The following FSTL5 variants were observed in gnomAD, a reference collection of about 807,000 sequenced individuals.
FSTL5 encodes follistatin like 5, also known as follistatin-related protein 5.
A neutral mutation model predicts 89.1 loss-of-function variants in FSTL5; 62 were observed. That is an observed-to-expected ratio of 0.70 (90% CI 0.57 to 0.86). FSTL5 has a LOEUF of 0.86. Among genes scored for constraint, FSTL5 ranks in the 40% least tolerant of loss-of-function variants. The pLI, the probability that FSTL5 is intolerant of heterozygous loss-of-function variation, is 0.00. For synonymous variants in FSTL5, 383 were observed against 346.2 expected, an observed-to-expected ratio of 1.11 and a Z score of -1.18; for missense variants, 1,057 against 1,001.6, an observed-to-expected ratio of 1.06 and a Z score of -0.75.
intron 6 of FSTL5, among the ~76,000 whole-genome samples, chr4:161,753,000 G>C (rs1740451269): frequency 6.6e-6 from 1 of 152,138 alleles, no homozygotes. Flanking sequence ...CAAGAACTAT[G>C]AGAAATAAAT....
At chr4:161,565,855 T>C (rs1203301192) in intron 8 of FSTL5, among the ~76,000 whole-genome samples, 1 of 150,780 alleles carries the variant, frequency 6.6e-6, no homozygotes, top group African/African-American at 2.4e-5. Flanking sequence ...TTTGCAATTG[T>C]GAATTGTGTT....
intron 3 of FSTL5, among the ~76,000 whole-genome samples, chr4:162,002,077 A>C (rs2111108202): frequency 6.6e-6 from 1 of 152,292 alleles, no homozygotes; most frequent in Middle Eastern, 3.4e-3. Context: ...CTAATTGATT[A>C]TATAAAAAAC....
chr4:161,680,298 T>TA (rs1737471714), intron 6 of FSTL5, among the ~76,000 whole-genome samples: 1 of 151,896 alleles, frequency 6.6e-6, no homozygotes, highest in Admixed American at 6.6e-5. Context: ...TGAATCTACT[T>TA]ACTGAGGTCA....
intron 15 of FSTL5, among the ~76,000 whole-genome samples, chr4:161,411,449 G>A (rs1022804356): frequency 2.0e-5 from 3 of 151,068 alleles, no homozygotes; most frequent in African/African-American, 7.3e-5. Context: ...CAAAATACTA[G>A]CAAATAAAAT....
intron 9 of FSTL5, among the ~76,000 whole-genome samples, chr4:161,541,166 C>T (rs1235594048): frequency 2.0e-5 from 3 of 152,040 alleles, no homozygotes; most frequent in Admixed American, 1.3e-4. Flanking sequence ...TTTTATACCC[C>T]TATGTGTGTA....
At chr4:162,008,483 TA>T (rs1736673620) in intron 3 of FSTL5, among the ~76,000 whole-genome samples, 2 of 151,814 alleles carry the variant, frequency 1.3e-5, no homozygotes, top group South Asian at 4.1e-4. Context: ...GAGGATGCAA[TA>T]GGGAAATCAC....
At position 161,538,152 on chromosome 4, in the gene FSTL5, G is replaced by T; in HGVS notation, c.1312+14C>A. ...ATATGGTGTGTGTGTGCTGTTGGGTGGTTCTATACATACGGGTCTTTCTAG... is the reference window on the plus strand; with the variant it reads ...ATATGGTGTGTGTGTGCTGTTGGGTTGTTCTATACATACGGGTCTTTCTAG... On this transcript the variant is annotated intron_variant, in intron 10 of 15. Coordinates refer to ENST00000306100, the MANE Select transcript of FSTL5 (RefSeq NM_020116.5). 1 of 1,613,134 alleles carries T rather than the reference G, an allele frequency of 6.2e-7. No homozygotes were observed. The highest frequency in any genetic ancestry group is 2.2e-5 in the East Asian group (1 of 44,846).
intron 2 of FSTL5, among the ~76,000 whole-genome samples, chr4:162,085,241 A>G (rs1354149835): frequency 6.6e-6 from 1 of 152,114 alleles, no homozygotes; most frequent in East Asian, 1.9e-4. Context: ...TCTAATAACT[A>G]GGACTAAAAT....
At chr4:162,079,172 G>T (rs537305863) in intron 2 of FSTL5, among the ~76,000 whole-genome samples, 1 of 151,856 alleles carries the variant, frequency 6.6e-6, no homozygotes, top group East Asian at 1.9e-4. Context: ...CATAACAAGT[G>T]TAGGTGGTGG....
rs2126629032 is a variant in FSTL5, at chr4:161,604,811, T to G, written c.895-17236A>C. ...GGACTGCCTAGGTTTCATGTTCTGCTAGAGCCTGAGCATTGAGGAAGTTGC... is the reference window on the plus strand; with the variant it reads ...GGACTGCCTAGGTTTCATGTTCTGCGAGAGCCTGAGCATTGAGGAAGTTGC... On this transcript the variant is annotated intron_variant, in intron 7 of 15. Transcript: ENST00000306100. Among the ~76,000 whole-genome samples, 3 of 152,292 alleles carry G rather than the reference T, an allele frequency of 2.0e-5. No homozygotes were observed. In the South Asian group the frequency reaches 6.2e-4, roughly 32 times the overall value.
chr4:162,020,732 A>G (rs935272079), intron 3 of FSTL5, among the ~76,000 whole-genome samples: 6 of 152,068 alleles, frequency 3.9e-5, no homozygotes, highest in Non-Finnish European at 7.4e-5. Flanking sequence ...TTCTTATTTA[A>G]CTAAAAGAAA....
intron 3 of FSTL5, among the ~76,000 whole-genome samples, chr4:161,987,429 G>C (rs1052213067): frequency 1.4e-5 from 2 of 147,376 alleles, no homozygotes; most frequent in African/African-American, 2.5e-5. Flanking sequence ...TACAAGCATG[G>C]GCTCATAACT....
At chr4:162,070,451 C>T (rs2111307542) in intron 2 of FSTL5, among the ~76,000 whole-genome samples, 1 of 151,890 alleles carries the variant, frequency 6.6e-6, no homozygotes, top group African/African-American at 2.4e-5. Flanking sequence ...AGAATTTTCT[C>T]TATGTTTTCT....
At chr4:161,999,274 C>T (rs1295401172) in intron 3 of FSTL5, among the ~76,000 whole-genome samples, 1 of 151,986 alleles carries the variant, frequency 6.6e-6, no homozygotes, top group African/African-American at 2.4e-5. Context: ...AATGCTATGA[C>T]ATGTGAACCA....
intron 1 of FSTL5, among the ~76,000 whole-genome samples, chr4:162,128,351 A>G (rs1380402662): frequency 6.6e-6 from 1 of 152,170 alleles, no homozygotes; most frequent in African/African-American, 2.4e-5. Flanking sequence ...CCTAACAACC[A>G]AGGTGATAAT....
At chr4:161,615,842 C>T (rs1734848423) in intron 7 of FSTL5, among the ~76,000 whole-genome samples, 1 of 152,086 alleles carries the variant, frequency 6.6e-6, no homozygotes, top group African/African-American at 2.4e-5. Flanking sequence ...ATTTCTGACA[C>T]TATCAATATT....
At chr4:162,117,715 G>T (rs1406893208) in intron 1 of FSTL5, among the ~76,000 whole-genome samples, 2 of 152,126 alleles carry the variant, frequency 1.3e-5, no homozygotes, top group Non-Finnish European at 2.9e-5. Context: ...TTGCTACCTG[G>T]CTATTGGCTT....
At chr4:161,682,220 G>C (rs1396598017) in intron 6 of FSTL5, among the ~76,000 whole-genome samples, 1 of 152,194 alleles carries the variant, frequency 6.6e-6, no homozygotes, top group Non-Finnish European at 1.5e-5. Context: ...CAGTGAGTGA[G>C]TGGTGAGTGT....
At chr4:161,810,199 A>G (rs978306229) in intron 4 of FSTL5, among the ~76,000 whole-genome samples, 12 of 152,160 alleles carry the variant, frequency 7.9e-5, no homozygotes, top group African/African-American at 2.9e-4. Flanking sequence ...TTAAAGTAAG[A>G]ACAATATTAA....
Sources: gnomAD v4.1 joint callset for allele counts (sites outside exome capture counted in the v4.1 genomes callset) on GRCh38, gnomAD v4.1.1 for gene constraint, MANE v1.5 for transcripts, NCBI Gene and HGNC (gene_info 2026-07-23, HGNC 2026-07-21) for gene names.